SMARCC1: variants seen among roughly 807,000 people sequenced by gnomAD.
SMARCC1 encodes SWI/SNF complex subunit SMARCC1.
SMARCC1 carries 43 observed loss-of-function variants against 147.4 expected under a neutral mutation model. The ratio of observed to expected loss-of-function variants is 0.29; its 90% confidence interval spans 0.23 to 0.38. SMARCC1 has a LOEUF of 0.38. Among genes scored for constraint, SMARCC1 ranks in the 10% least tolerant of loss-of-function variants. The probability of loss-of-function intolerance (pLI) is 1.00; values close to 1 mark genes in which losing one functional copy is unlikely to be tolerated. For synonymous variants in SMARCC1, 495 were observed against 484.4 expected, an observed-to-expected ratio of 1.02 and a Z score of -0.29; for missense variants, 1,119 against 1,381.1, an observed-to-expected ratio of 0.81 and a Z score of 3.01.
At chr3:47,718,912 T>C (rs562944405) in intron 7 of SMARCC1, among the ~76,000 whole-genome samples, 1 of 152,210 alleles carries the variant, frequency 6.6e-6, no homozygotes, top group South Asian at 2.1e-4. Context: ...AATTATTTAA[T>C]AAATTAAAAA....
At position 47,710,808 on chromosome 3, in the gene SMARCC1, C is replaced by A. The variant is rs1283361500; in HGVS notation, c.793G>T (p.Val265Phe). The A allele has an allele frequency of 6.2e-7, 1 of 1,603,912 alleles. No individual in the cohort carries two copies. Residue 265 changes from valine (V) to phenylalanine (F), a missense_variant and splice_region_variant, in exon 9 of 28, where the codon GTT (valine) becomes TTT (phenylalanine). Transcript: ENST00000254480. ...DPPIPEKPWK[V>F]HVKWILDTDI... ...GTGTCCAAAATCCATTTCACATGAA[C>A]CTAAAACCATATCAAAGCATCAATA...
chr3:47,590,994 T>C (rs1219388436), intron 26 of SMARCC1, among the ~76,000 whole-genome samples, 157 bp from the exon 27 acceptor site: 1 of 152,204 alleles, frequency 6.6e-6, no homozygotes, highest in Non-Finnish European at 1.5e-5. Flanking sequence ...GTTTAGCTTT[T>C]TGTATTCTGG....
chr3:47,756,756 T>C (rs1345297792), intron 2 of SMARCC1, among the ~76,000 whole-genome samples: 2 of 152,154 alleles, frequency 1.3e-5, no homozygotes, highest in Admixed American at 6.6e-5. Context: ...AAGCAAGTAC[T>C]TGCATCACAA....
chr3:47,772,320 G>C (rs1448554698), intron 2 of SMARCC1, among the ~76,000 whole-genome samples: 1 of 152,026 alleles, frequency 6.6e-6, no homozygotes. Flanking sequence ...CTAGAGCCGG[G>C]AGATCAAGGC....
chr3:47,774,297 C>G (rs2034948990), intron 1 of SMARCC1, among the ~76,000 whole-genome samples: 1 of 150,112 alleles, frequency 6.7e-6, no homozygotes, highest in Admixed American at 6.7e-5. Context: ...AATGACGAAA[C>G]CCCGTCTCCA....
intron 2 of SMARCC1, among the ~76,000 whole-genome samples, chr3:47,759,613 C>T (rs1576433761): frequency 8.7e-5 from 2 of 23,056 alleles, no homozygotes; most frequent in South Asian, 1.1e-3. Flanking sequence ...AGCTAGACTC[C>T]GTCTCAAAAA....
At chr3:47,727,438 C>T (rs544640781) in intron 6 of SMARCC1, among the ~76,000 whole-genome samples, 1 of 151,732 alleles carries the variant, frequency 6.6e-6, no homozygotes, top group Non-Finnish European at 1.5e-5. Context: ...ACCCAGGAGG[C>T]GGAGGTTGCA....
At position 47,676,680 on chromosome 3, in the gene SMARCC1, T is replaced by C. The variant is rs757399962; in HGVS notation, c.1674A>G (p.Val558=). ...MGPPPTPHFN[V]LADTPSGLVP... ...CAAGCCCAGAGGGGGTATCAGCTAA[T>C]ACATTAAAATGAGGAGTAGGAGGAG... is the stretch of plus-strand genomic sequence containing the variant. Residue 558 remains valine, a synonymous_variant, in exon 17 of 28, where the codon GTA becomes GTG. Transcript: ENST00000254480. 2.0e-5 allele frequency: 32 copies of C among 1,613,850 alleles called. No homozygotes were observed. The Admixed American group carries it at 5.2e-4, about 26-fold the overall frequency.
chr3:47,716,074 A>T (rs1305443074), intron 7 of SMARCC1, among the ~76,000 whole-genome samples: 1 of 151,382 alleles, frequency 6.6e-6, no homozygotes, highest in Admixed American at 6.6e-5. Context: ...TAGTATGATG[A>T]CAAGTATTAG....
At chr3:47,735,621 G>C (rs2034432567) in intron 5 of SMARCC1, among the ~76,000 whole-genome samples, 1 of 152,038 alleles carries the variant, frequency 6.6e-6, no homozygotes, top group African/African-American at 2.4e-5. Context: ...AATACAATTA[G>C]CACACACCTG....
chr3:47,734,471 T>C (rs976803657), intron 5 of SMARCC1, among the ~76,000 whole-genome samples: 3 of 152,158 alleles, frequency 2.0e-5, no homozygotes, highest in African/African-American at 4.8e-5. Flanking sequence ...CATAATACAA[T>C]TGGTAATCTC....
chr3:47,764,475 T>C (rs1450965427), intron 2 of SMARCC1, among the ~76,000 whole-genome samples: 1 of 152,122 alleles, frequency 6.6e-6, no homozygotes, highest in Non-Finnish European at 1.5e-5. Flanking sequence ...ATAAGTACAA[T>C]GTCAGTGAAC....
At chr3:47,610,033 A>G (rs1237818941) in intron 26 of SMARCC1, 33 bp downstream of exon 26, 1 of 1,608,978 alleles carries the variant, frequency 6.2e-7, no homozygotes, top group African/African-American at 1.3e-5. Context: ...TAGTGACCAT[A>G]AGCTTTTTCC....
At chr3:47,675,666 G>C (rs1403163363) in intron 17 of SMARCC1, 78 bp from the exon 18 acceptor site, 1 of 777,022 alleles carries the variant, frequency 1.3e-6, no homozygotes, top group Non-Finnish European at 2.2e-6. Context: ...AATTTGTTTG[G>C]GCCAGGCGCC....
chr3:47,639,368 T>C lies in SMARCC1; in HGVS notation c.2321-588A>G, dbSNP rs558580079. ...CATGAGAAAATTATTATTTCAAATA[T>C]GAGAAAATTATTAATTTTCTACACT... is the stretch of plus-strand genomic sequence containing the variant. On this transcript the variant is annotated intron_variant, in intron 21 of 27. Transcript: ENST00000254480. Among the ~76,000 whole-genome samples the C allele has an allele frequency of 8.5e-5, 13 of 152,254 alleles. No individual in the cohort carries two copies. The South Asian group carries it at 2.3e-3, about 27-fold the overall frequency.
chr3:47,687,583 T>C (rs2033741155), intron 13 of SMARCC1, among the ~76,000 whole-genome samples: 1 of 152,200 alleles, frequency 6.6e-6, no homozygotes, highest in Non-Finnish European at 1.5e-5. Context: ...CGAAGGAATT[T>C]GACTTTCCTT....
At chr3:47,708,083 C>CTTTTTTCTTTTTTTTTTTTTTTTTTTT (rs2034032931) in intron 9 of SMARCC1, among the ~76,000 whole-genome samples, 1 of 64,278 alleles carries the variant, frequency 1.6e-5, no homozygotes, top group African/African-American at 6.6e-5. Context: ...AATTTTTTTT[C>CTTTTTTCTTTTTTTTTTTTTTTTTTTT]TTTTTTTTTT....
chr3:47,648,792 A>AT (rs1330529083), intron 21 of SMARCC1, among the ~76,000 whole-genome samples: 2 of 152,018 alleles, frequency 1.3e-5, no homozygotes. Flanking sequence ...TGCTAAAATT[A>AT]TTTTTTTCAT....
At chr3:47,697,302 C>CTT (rs763264887) in intron 11 of SMARCC1, among the ~76,000 whole-genome samples, 6 of 134,420 alleles carry the variant, frequency 4.5e-5, no homozygotes, top group East Asian at 2.2e-4. Flanking sequence ...GAGATCCTGA[C>CTT]TTTTTTTTTT....
Sources: gnomAD v4.1 joint callset for allele counts (sites outside exome capture counted in the v4.1 genomes callset) on GRCh38, gnomAD v4.1.1 for gene constraint, MANE v1.5 for transcripts, NCBI Gene and HGNC (gene_info 2026-07-23, HGNC 2026-07-21) for gene names.